Variants in SMARCC1 observed in about 807,000 individuals in gnomAD.
The protein encoded by SMARCC1 is SWI/SNF related BAF chromatin remodeling complex subunit C1, also known as SWI/SNF complex subunit SMARCC1.
A neutral mutation model predicts 147.4 loss-of-function variants in SMARCC1; 43 were observed. That is an observed-to-expected ratio of 0.29 (90% CI 0.23 to 0.38). The LOEUF (loss-of-function observed/expected upper bound fraction) is 0.38, where lower values mean the gene tolerates loss of function less well. Among genes scored for constraint, SMARCC1 ranks in the 10% least tolerant of loss-of-function variants. The probability of loss-of-function intolerance (pLI) is 1.00; values close to 1 mark genes in which losing one functional copy is unlikely to be tolerated. For synonymous variants in SMARCC1, 495 were observed against 484.4 expected, an observed-to-expected ratio of 1.02 and a Z score of -0.29; for missense variants, 1,119 against 1,381.1, an observed-to-expected ratio of 0.81 and a Z score of 3.01.
intron 7 of SMARCC1, among the ~76,000 whole-genome samples, chr3:47,719,957 G>C (rs1337434054): frequency 1.3e-5 from 2 of 151,906 alleles, no homozygotes; most frequent in Non-Finnish European, 1.5e-5. Context: ...GGCTGGTCTT[G>C]AACTCCTGAC....
intron 21 of SMARCC1, among the ~76,000 whole-genome samples, chr3:47,656,460 T>C (rs2033263373): frequency 6.6e-6 from 1 of 152,234 alleles, no homozygotes; most frequent in African/African-American, 2.4e-5. Flanking sequence ...AAAGGTAAAT[T>C]GCTTTTTAAA....
intron 2 of SMARCC1, among the ~76,000 whole-genome samples, chr3:47,751,093 T>C (rs1312320491): frequency 6.6e-6 from 1 of 151,888 alleles, no homozygotes; most frequent in African/African-American, 2.4e-5. Context: ...AGACAGGGTT[T>C]CACCAGGTTG....
intron 10 of SMARCC1, among the ~76,000 whole-genome samples, chr3:47,705,669 A>G (rs2033983750): frequency 6.6e-6 from 1 of 152,194 alleles, no homozygotes. Context: ...TTACACTTCA[A>G]TCAACATCCA....
intron 27 of SMARCC1, among the ~76,000 whole-genome samples, chr3:47,589,243 T>C (rs1212998486): frequency 6.6e-6 from 1 of 152,142 alleles, no homozygotes; most frequent in Non-Finnish European, 1.5e-5. Flanking sequence ...CCAATTCACA[T>C]GGTTCAGAAT....
intron 7 of SMARCC1, among the ~76,000 whole-genome samples, chr3:47,717,526 A>C (rs1371394012): frequency 2.6e-5 from 4 of 152,168 alleles, no homozygotes; most frequent in Non-Finnish European, 5.9e-5. Context: ...ACTATCAATC[A>C]ATCAATCGTG....
intron 11 of SMARCC1, among the ~76,000 whole-genome samples, chr3:47,699,480 A>T (rs1368032857): frequency 6.6e-6 from 1 of 152,118 alleles, no homozygotes; most frequent in Non-Finnish European, 1.5e-5. Context: ...ACCAACGCTG[A>T]TGAGTCTAGC....
chr3:47,602,464 A>AT (rs908969849), intron 26 of SMARCC1, among the ~76,000 whole-genome samples: 3 of 151,764 alleles, frequency 2.0e-5, no homozygotes, highest in African/African-American at 7.3e-5. Context: ...CACCAAGCAA[A>AT]TTTTTTTTAT....
At chr3:47,738,846 A>G (rs548308195) in intron 3 of SMARCC1, among the ~76,000 whole-genome samples, 2 of 152,356 alleles carry the variant, frequency 1.3e-5, no homozygotes, top group South Asian at 4.1e-4. Flanking sequence ...AGCAGTCAAG[A>G]GCAGAGACTA....
intron 5 of SMARCC1, among the ~76,000 whole-genome samples, chr3:47,730,367 A>G (rs779910264): frequency 1.3e-5 from 2 of 152,080 alleles, no homozygotes; most frequent in African/African-American, 2.4e-5. Context: ...CTGTAGTCCC[A>G]GCTACTCAGG....
intron 1 of SMARCC1, among the ~76,000 whole-genome samples, chr3:47,780,158 G>GTTTT (rs1251165275): frequency 1.9e-5 from 1 of 51,566 alleles, no homozygotes. Context: ...TGGGTCTTTG[G>GTTTT]TTTTTTTTTG....
At chr3:47,723,430 A>AG (rs1390451442) in intron 6 of SMARCC1, among the ~76,000 whole-genome samples, 2 of 133,648 alleles carry the variant, frequency 1.5e-5, no homozygotes, top group Non-Finnish European at 3.1e-5. Context: ...GCACGATCTC[A>AG]GCTCACTGCA....
At chr3:47,741,662 A>G (rs1275015432) in intron 3 of SMARCC1, among the ~76,000 whole-genome samples, 1 of 151,664 alleles carries the variant, frequency 6.6e-6, no homozygotes, top group Non-Finnish European at 1.5e-5. Flanking sequence ...TCCTTTCCTT[A>G]TTCTTCAATT....
chr3:47,663,933 G>T, intron 19 of SMARCC1: 1 of 1,394,006 alleles, frequency 7.2e-7, no homozygotes, highest in Non-Finnish European at 1.0e-6. Context: ...TCTCAACCCT[G>T]AGCCCAGGGT....
intron 13 of SMARCC1, among the ~76,000 whole-genome samples, chr3:47,688,086 T>A (rs1242997771): frequency 6.6e-6 from 1 of 151,874 alleles, no homozygotes; most frequent in Non-Finnish European, 1.5e-5. Context: ...ATGGTGAAAC[T>A]CTGTCTCTAC....
At chr3:47,632,437 C>T (rs2032905539) in intron 24 of SMARCC1, among the ~76,000 whole-genome samples, 1 of 152,152 alleles carries the variant, frequency 6.6e-6, no homozygotes, top group Non-Finnish European at 1.5e-5. Flanking sequence ...TGCACCCAGC[C>T]TCATGAAACT....
chr3:47,687,429 G>C (rs369794000), intron 13 of SMARCC1, among the ~76,000 whole-genome samples: 3 of 151,030 alleles, frequency 2.0e-5, no homozygotes. Flanking sequence ...AAGGCCAACA[G>C]TATAAGTTTT....
Position 47,665,865 on chromosome 3 carries a change from T to G in SMARCC1, c.1900-3273A>C, listed in dbSNP as rs189662843. On this transcript the variant is annotated intron_variant, in intron 19 of 27. Coordinates refer to ENST00000254480, the MANE Select transcript of SMARCC1 (RefSeq NM_003074.4). ...CTCACTCACTCTCTTTTTTTTTTTT[T>G]TGTGAGACACGGTCTTGCTATGTTG... is the stretch of plus-strand genomic sequence containing the variant. Among the ~76,000 whole-genome samples, 378 of 152,162 alleles carry G rather than the reference T, an allele frequency of 2.5e-3. 1 individual carries two copies. The highest frequency in any genetic ancestry group is 3.6e-3 in the Non-Finnish European group (248 of 67,980).
intron 2 of SMARCC1, among the ~76,000 whole-genome samples, chr3:47,766,109 C>T (rs1182077840): frequency 6.6e-6 from 1 of 152,132 alleles, no homozygotes; most frequent in Admixed American, 6.6e-5. Context: ...TCTCCTGGAG[C>T]TGTGTCACGT....
At chr3:47,666,406 T>C (rs1417896025) in intron 19 of SMARCC1, among the ~76,000 whole-genome samples, 2 of 152,280 alleles carry the variant, frequency 1.3e-5, no homozygotes, top group East Asian at 1.9e-4. Context: ...AAGCAGACTA[T>C]GAATTCCTTA....
Sources: allele counts gnomAD v4.1 joint callset (sites outside exome capture counted in the v4.1 genomes callset), GRCh38; gene constraint gnomAD v4.1.1; transcripts MANE v1.5; gene names NCBI Gene and HGNC (gene_info 2026-07-23, HGNC 2026-07-21).